UPF1: variants seen among roughly 807,000 people sequenced by gnomAD.
UPF1 encodes the protein regulator of nonsense transcripts 1.
Under a neutral mutation model 129.2 loss-of-function variants are expected in UPF1, and 9 were observed. That is an observed-to-expected ratio of 0.07 (90% CI 0.04 to 0.12). The LOEUF (loss-of-function observed/expected upper bound fraction) is 0.12, where lower values mean the gene tolerates loss of function less well. Ranked by LOEUF, UPF1 falls within the 10% of genes least tolerant of loss-of-function variation. The pLI, the probability that UPF1 is intolerant of heterozygous loss-of-function variation, is 1.00. For missense variants in UPF1, 788 were observed against 1,525.3 expected (o/e 0.52, Z 8.05); for synonymous variants, 649 against 644.9 (o/e 1.01, Z -0.10).
intron 18 of UPF1, 111 bp downstream of exon 18, chr19:18,862,263 G>A: frequency 2.0e-6 from 3 of 1,476,462 alleles, no homozygotes; most frequent in Non-Finnish European, 9.1e-7. Flanking sequence ...AGGACTCTGA[G>A]CAGCAGTTGA....
chr19:18,850,902 G>A lies in UPF1; in HGVS notation c.810+34G>A, dbSNP rs201081116. The stretch of plus-strand genomic sequence containing the variant: ...GCCCAGCGGGCCGACCCGTGCCTTC[G>A]TGTGGTTTCTGGTTGCGGGGAGGGG... On this transcript the variant is annotated intron_variant, in intron 5 of 23. Coordinates refer to ENST00000262803, the MANE Select transcript of UPF1 (RefSeq NM_002911.4). This position sits in a 1 kb window ranked among gnomAD's most constrained non-coding sequence, Gnocchi z 7.1. 5.0e-5 allele frequency: 76 copies of A among 1,506,358 alleles called. No individual in the cohort carries two copies. In the East Asian group the frequency reaches 1.3e-3, roughly 26 times the overall value. The allele number at this position is 1,506,358 out of a possible 1,614,324, so 93.3% of individuals were successfully genotyped here. A position where few individuals can be genotyped will look rare whatever the true frequency, so the allele number is the denominator to read the frequency against.
At chr19:18,839,988 A>G (rs2055524661) in intron 1 of UPF1, among the ~76,000 whole-genome samples, 1 of 151,562 alleles carries the variant, frequency 6.6e-6, no homozygotes, top group South Asian at 2.1e-4. Context: ...AGAAGGAGGG[A>G]GGGTGGATGT....
Position 18,846,046 on chromosome 19 carries a change from T to C in UPF1, c.298T>C (p.Leu100=). 2 of 1,614,164 alleles carry C rather than the reference T, an allele frequency of 1.2e-6. No individual in the cohort carries two copies. Among genetic ancestry groups the C allele is most frequent in the Admixed American group, 1.7e-5 (1 of 60,028 alleles). Residue 100 remains leucine (L), a synonymous_variant, in exon 2 of 24, where the codon TTG becomes CTG. Coordinates refer to ENST00000262803, the MANE Select transcript of UPF1 (RefSeq NM_002911.4). ...CAGTGTAGCCAAGACCAGCCAGTTG[T>C]TGGCTGAGTTGAACTTCGAGGAAGA... is the stretch of plus-strand genomic sequence containing the variant. ...DDSVAKTSQL[L]AELNFEEDEE...
intron 19 of UPF1, 141 bp downstream of exon 19, chr19:18,863,753 T>TGGGCTCTCCTAGGGGAGGGA (rs2055808309): frequency 8.4e-7 from 1 of 1,193,760 alleles, no homozygotes; most frequent in African/African-American, 1.5e-5. Flanking sequence ...TAGGGGAGGG[T>TGGGCTCTCCTAGGGGAGGGA]GGGCCAGCCC....
intron 6 of UPF1, 91 bp from the exon 7 acceptor site, chr19:18,852,896 A>T: frequency 9.5e-7 from 1 of 1,053,782 alleles, no homozygotes; most frequent in Non-Finnish European, 1.4e-6. Flanking sequence ...GGCTTGCTGT[A>T]GGGCCCGCCT....
Position 18,852,379 on chromosome 19 carries a change from C to G in UPF1, c.972+83C>G, listed in dbSNP as rs111311420. ...TCAGGCTTCCAGAGGGAGGTTTTCT[C>G]TCCAGGCTGTGGGAGCTGATGTGGG... On this transcript the variant is annotated intron_variant, in intron 6 of 23. Transcript: ENST00000262803. 2.6e-6 allele frequency: 4 copies of G among 1,566,350 alleles called. No homozygotes were observed. The African/African-American group carries it at 5.5e-5, about 22-fold the overall frequency.
At chr19:18,860,675 C>G in intron 16 of UPF1, 151 bp from the exon 17 acceptor site, 1 of 1,195,798 alleles carries the variant, frequency 8.4e-7, no homozygotes, top group Non-Finnish European at 1.2e-6. Context: ...CGAGACTCCC[C>G]TGGTGAAGGC....
Position 18,832,183 on chromosome 19 carries a change from G to C in UPF1, c.-27G>C, listed in dbSNP as rs746321730. On this transcript the variant is annotated 5_prime_UTR_variant, in exon 1 of 24. Coordinates refer to ENST00000262803, the MANE Select transcript of UPF1 (RefSeq NM_002911.4). The surrounding 1 kb of genome is among the most constrained non-coding windows in gnomAD (Gnocchi z 5.6). ...GCGGGCTCGAGTGCAGCGCGGAACCGGCCCGAGGGCCCTACCCGGAGGCAC... is the reference window on the plus strand; with the variant it reads ...GCGGGCTCGAGTGCAGCGCGGAACCCGCCCGAGGGCCCTACCCGGAGGCAC... The C allele has an allele frequency of 1.2e-5, 18 of 1,516,352 alleles. No homozygotes were observed. The highest frequency in any genetic ancestry group is 1.7e-4 in the Middle Eastern group (1 of 5,720). 93.9% of individuals were successfully genotyped at this position (1,516,352 alleles called of 1,614,324 possible). A position where few individuals can be genotyped will look rare whatever the true frequency, so the allele number is the denominator to read the frequency against.
At chr19:18,861,863 C>T (rs998323136) in intron 17 of UPF1, 147 bp from the exon 18 acceptor site, 6 of 1,054,524 alleles carry the variant, frequency 5.7e-6, no homozygotes, top group Non-Finnish European at 8.0e-6. Context: ...GCAGCAGAGC[C>T]AGGACAGCCC....
Position 18,847,745 on chromosome 19 carries a change from T to C in UPF1, c.373T>C (p.Tyr125His). 1 of 1,613,650 alleles carries C rather than the reference T, an allele frequency of 6.2e-7. No individual in the cohort carries two copies. Residue 125 changes from tyrosine to histidine, a missense_variant and splice_region_variant, in exon 3 of 24, where the codon TAC (tyrosine) becomes CAC (histidine). Transcript: ENST00000262803. ...ACTGTCGCTGTTTTGATTTTTTAGT[T>C]ACTGTGGAATACACGATCCTGCCTG... ...TKDLPIHACS[Y>H]CGIHDPACVV...
intron 15 of UPF1, 160 bp from the exon 16 acceptor site, chr19:18,860,161 A>G (rs2055762031): frequency 2.8e-6 from 2 of 719,760 alleles, no homozygotes; most frequent in African/African-American, 3.5e-5. Flanking sequence ...ATCTCTGGCC[A>G]GGGGACCGGC....
chr19:18,857,909 A>G (rs926384986), intron 15 of UPF1, among the ~76,000 whole-genome samples: 6 of 152,222 alleles, frequency 3.9e-5, no homozygotes, highest in Non-Finnish European at 7.3e-5. Context: ...TGGGGCCCGC[A>G]AGACCGTGTC....
intron 15 of UPF1, 61 bp from the exon 16 acceptor site, chr19:18,860,260 C>G: frequency 6.4e-7 from 1 of 1,552,338 alleles, no homozygotes; most frequent in Non-Finnish European, 8.9e-7. Context: ...TGCCCTGTGT[C>G]TGAACTCATT....
intron 18 of UPF1, 124 bp downstream of exon 18, chr19:18,862,276 A>G: frequency 7.0e-7 from 1 of 1,429,950 alleles, no homozygotes; most frequent in Non-Finnish European, 9.4e-7. Flanking sequence ...GCAGTTGAGA[A>G]ACGATGTCTC....
chr19:18,852,938 C>G (rs749247032), intron 6 of UPF1, 49 bp from the exon 7 acceptor site: 1 of 1,529,018 alleles, frequency 6.5e-7, no homozygotes. Flanking sequence ...AGGCCAGGCC[C>G]GGGCCTGTGC....
intron 11 of UPF1, 81 bp from the exon 12 acceptor site, chr19:18,855,844 T>C (rs2145959007): frequency 6.5e-7 from 1 of 1,538,932 alleles, no homozygotes; most frequent in South Asian, 1.2e-5. Context: ...CAAGACCCTG[T>C]CTCAAAAAAC....
intron 19 of UPF1, among the ~76,000 whole-genome samples, chr19:18,863,857 G>A (rs2055809389): frequency 6.6e-6 from 1 of 152,188 alleles, no homozygotes; most frequent in Non-Finnish European, 1.5e-5. Context: ...CTGCTGTGCT[G>A]CATGCAGCAG....
chr19:18,865,507 C>G lies in UPF1; in HGVS notation c.3020-54C>G. 6.2e-6 allele frequency: 10 copies of G among 1,612,482 alleles called. No homozygotes were observed. The highest frequency in any genetic ancestry group is 8.5e-6 in the Non-Finnish European group (10 of 1,178,940). ...CCTCCTGAGAGCTCTTGAGGGTGTGCTTGTCTGCGAGGCCCTGGCCTCCTT... is the reference window on the plus strand; with the variant it reads ...CCTCCTGAGAGCTCTTGAGGGTGTGGTTGTCTGCGAGGCCCTGGCCTCCTT... On this transcript the variant is annotated intron_variant, in intron 21 of 23. Transcript: ENST00000262803. This position sits in a 1 kb window ranked among gnomAD's most constrained non-coding sequence, Gnocchi z 6.1.
chr19:18,855,625 C>T, intron 11 of UPF1: 1 of 499,922 alleles, frequency 2.0e-6, no homozygotes, highest in Non-Finnish European at 3.6e-6. Flanking sequence ...GTCATTACTG[C>T]CTGTTAAAAA....
Sources: gnomAD v4.1 joint callset for allele counts (sites outside exome capture counted in the v4.1 genomes callset) on GRCh38, gnomAD v4.1.1 for gene constraint, Gnocchi (gnomAD v3.1) non-coding constraint, MANE v1.5 for transcripts, NCBI Gene and HGNC (gene_info 2026-07-23, HGNC 2026-07-21) for gene names.